Variants in MTMR9 observed in about 807,000 individuals in gnomAD.
MTMR9 encodes myotubularin-related protein 9.
A neutral mutation model predicts 69.5 loss-of-function variants in MTMR9; 39 were observed. That is an observed-to-expected ratio of 0.56 (90% confidence interval 0.43 to 0.73). The LOEUF (loss-of-function observed/expected upper bound fraction) is 0.73. MTMR9 is among the 30% of genes least tolerant of loss of function. The pLI is 0.00. For synonymous variants in MTMR9, 354 were observed against 240.8 expected (o/e 1.47, Z -4.35); for missense variants, 900 against 671.2 (o/e 1.34, Z -3.77).
At chr8:11,293,905 TATC>T (rs1799456560) in intron 1 of MTMR9, among the ~76,000 whole-genome samples, 1 of 152,246 alleles carries the variant, frequency 6.6e-6, no homozygotes, top group Non-Finnish European at 1.5e-5. Context: ...GTTGATCTGT[TATC>T]ATCATGTCAT....
At chr8:11,301,952 A>C (rs1737601609) in intron 3 of MTMR9, among the ~76,000 whole-genome samples, 1 of 152,084 alleles carries the variant, frequency 6.6e-6, no homozygotes, top group South Asian at 2.1e-4. Flanking sequence ...ATTACATGGG[A>C]GTTTAGGATA....
chr8:11,291,847 C>A (rs1005527161), intron 1 of MTMR9, among the ~76,000 whole-genome samples: 1 of 152,086 alleles, frequency 6.6e-6, no homozygotes, highest in Admixed American at 6.6e-5. Flanking sequence ...GTGTCTTTCA[C>A]TTCCAGCTGA....
intron 2 of MTMR9, chr8:11,297,942 G>T (rs1209271790): frequency 2.2e-6 from 1 of 456,026 alleles, no homozygotes; most frequent in Non-Finnish European, 4.4e-6. Context: ...AATACATCTG[G>T]ACACGATTTG....
At chr8:11,331,717 C>T (rs752660924), downstream of MTMR9, 8 of 1,611,868 alleles carry the variant, frequency 5.0e-6, no homozygotes, top group Non-Finnish European at 6.8e-6. Context: ...CTGGCGCTGT[C>T]CCTGGGGCTT....
chr8:11,285,005 C>A lies in MTMR9; in HGVS notation c.117C>A (p.Ser39=). 4 of 1,613,702 alleles carry A rather than the reference C, an allele frequency of 2.5e-6. No homozygotes were observed. Among genetic ancestry groups the A allele is most frequent in the Non-Finnish European group, 3.4e-6 (4 of 1,179,864 alleles). Residue 39 remains serine (S), a synonymous_variant, in exon 1 of 10, where the codon TCC becomes TCA. Coordinates refer to ENST00000221086, the MANE Select transcript of MTMR9 (RefSeq NM_015458.4). ...LCLTGHHLIL[S]SRQDNTEELW... The stretch of plus-strand genomic sequence containing the variant: ...TGACGGGCCACCACTTGATCCTGTC[C>A]TCCCGGCAGGACAATACGGAGGAGC...
At chr8:11,287,319 C>T (rs1240222902) in intron 1 of MTMR9, among the ~76,000 whole-genome samples, 2 of 152,158 alleles carry the variant, frequency 1.3e-5, no homozygotes, top group East Asian at 1.9e-4. Context: ...GGTTACTTTG[C>T]GCTCATTTGT....
At chr8:11,312,345 C>T (rs1897951) in intron 6 of MTMR9, among the ~76,000 whole-genome samples, 54,994 of 151,936 alleles carry the variant, frequency 0.36, 11,230 homozygotes, top group East Asian at 0.7. Flanking sequence ...CCACTGCACC[C>T]AGCATTTTGT....
chr8:11,309,041 C>A (rs2117418845), intron 5 of MTMR9, among the ~76,000 whole-genome samples: 1 of 152,246 alleles, frequency 6.6e-6, no homozygotes, highest in African/African-American at 2.4e-5. Context: ...CAGTTTCCTC[C>A]ACCTATTGTC....
At chr8:11,294,560 G>A (rs1322247049) in intron 1 of MTMR9, among the ~76,000 whole-genome samples, 1 of 139,862 alleles carries the variant, frequency 7.1e-6, no homozygotes, top group African/African-American at 2.9e-5. Context: ...GGAGTGCAGT[G>A]GCTCAGACTC....
chr8:11,313,396 G>A (rs1800282891), intron 6 of MTMR9, among the ~76,000 whole-genome samples: 1 of 152,212 alleles, frequency 6.6e-6, no homozygotes, highest in Non-Finnish European at 1.5e-5. Flanking sequence ...TCATTTATGT[G>A]TTCGCTGGAG....
intron 1 of MTMR9, among the ~76,000 whole-genome samples, chr8:11,288,406 C>T (rs114497258): frequency 2.2e-3 from 318 of 146,638 alleles, no homozygotes; most frequent in African/African-American, 7.5e-3. Flanking sequence ...AGGAAAGTAA[C>T]GGAAGATGAG....
chr8:11,301,072 G>T (rs1183451158), intron 3 of MTMR9, among the ~76,000 whole-genome samples: 1 of 152,156 alleles, frequency 6.6e-6, no homozygotes, highest in Non-Finnish European at 1.5e-5. Flanking sequence ...TAGCAGGCTG[G>T]ATTTGGCTCA....
chr8:11,318,199 C>T (rs1258264439), intron 8 of MTMR9: 1 of 152,054 alleles, frequency 6.6e-6, no homozygotes, highest in Admixed American at 6.5e-5. Context: ...TTCTGTTTCC[C>T]AGTTGGTAGA....
At chr8:11,308,728 T>G (rs1800067273) in intron 5 of MTMR9, among the ~76,000 whole-genome samples, 1 of 152,250 alleles carries the variant, frequency 6.6e-6, no homozygotes, top group Non-Finnish European at 1.5e-5. Flanking sequence ...GCATTTGCAT[T>G]GTTTTTCTCT....
At chr8:11,290,292 A>G (rs1355942429) in intron 1 of MTMR9, among the ~76,000 whole-genome samples, 2 of 151,116 alleles carry the variant, frequency 1.3e-5, no homozygotes, top group Non-Finnish European at 3.0e-5. Context: ...TCTGTGGTCT[A>G]CTTTTAAACA....
chr8:11,332,305 A>G (rs1275506822), downstream of MTMR9: 10 of 1,056,438 alleles, frequency 9.5e-6, no homozygotes, highest in East Asian at 5.6e-5. Context: ...ATCACAAAGC[A>G]TGCAAACAAA....
chr8:11,312,140 G>A (rs555409013), intron 6 of MTMR9, among the ~76,000 whole-genome samples: 1 of 151,984 alleles, frequency 6.6e-6, no homozygotes, highest in African/African-American at 2.4e-5. Flanking sequence ...GAACTCCTGG[G>A]CTCAAATGAT....
intron 1 of MTMR9, among the ~76,000 whole-genome samples, chr8:11,287,479 G>C (rs992870710): frequency 1.3e-5 from 2 of 151,712 alleles, no homozygotes; most frequent in Non-Finnish European, 2.9e-5. Flanking sequence ...GTGGTGTAGT[G>C]AAAGAGCATA....
intron 2 of MTMR9, chr8:11,297,805 C>A (rs1799612968): frequency 4.4e-6 from 2 of 451,814 alleles, no homozygotes; most frequent in Non-Finnish European, 8.9e-6. Flanking sequence ...AAATTATGAG[C>A]TCATTTGACC....
Sources: gnomAD v4.1 joint callset for allele counts (sites outside exome capture counted in the v4.1 genomes callset) on GRCh38, gnomAD v4.1.1 for gene constraint, MANE v1.5 for transcripts, NCBI Gene and HGNC (gene_info 2026-07-23, HGNC 2026-07-21) for gene names.